Variants in MEP1B observed in about 807,000 individuals in gnomAD.
MEP1B encodes meprin A subunit beta, also known as N-benzoyl-L-tyrosyl-P-amino-benzoic acid hydrolase subunit beta.
Under a neutral mutation model 84.6 loss-of-function variants are expected in MEP1B, and 80 were observed. The ratio of observed to expected loss-of-function variants is 0.95; its 90% CI spans 0.79 to 1.14. The LOEUF (loss-of-function observed/expected upper bound fraction) is 1.14. MEP1B is among the 50% of genes most tolerant of loss of function. MEP1B has a pLI of 0.00. For missense variants in MEP1B, 766 were observed against 855.1 expected (o/e 0.90, Z 1.30); for synonymous variants, 273 against 288.1 (o/e 0.95, Z 0.53).
At chr18:32,219,672 TA>T (rs1242434515) in intron 14 of MEP1B, among the ~76,000 whole-genome samples, 1 of 151,950 alleles carries the variant, frequency 6.6e-6, no homozygotes, top group East Asian at 1.9e-4. Context: ...GCTTAGCAAG[TA>T]AAAACTGGAA....
At chr18:32,202,850 G>C in intron 5 of MEP1B, 43 bp from the exon 6 acceptor site, 1 of 1,284,738 alleles carries the variant, frequency 7.8e-7, no homozygotes. Flanking sequence ...TTTCAGTGGT[G>C]ATTGTTTTAA....
At chr18:32,211,533 T>C (rs1350419848) in intron 10 of MEP1B, among the ~76,000 whole-genome samples, 2 of 152,114 alleles carry the variant, frequency 1.3e-5, no homozygotes, top group African/African-American at 4.8e-5. Flanking sequence ...TTGACCAAAT[T>C]TGCTATCAGT....
At chr18:32,206,243 A>G (rs938932535) in intron 7 of MEP1B, among the ~76,000 whole-genome samples, 2 of 152,148 alleles carry the variant, frequency 1.3e-5, no homozygotes, top group Non-Finnish European at 1.5e-5. Flanking sequence ...GTAACCATGA[A>G]TTATGGTTAG....
In MEP1B at chr18:32,208,207, G is replaced by C; in HGVS notation, c.855G>C (p.Trp285Cys). 6.2e-7 allele frequency: 1 copy of C among 1,613,962 alleles called. No individual in the cohort carries two copies. The change falls in exon 9 of 15, where the codon TGG becomes TGC. Residue 285 changes from tryptophan to cysteine, a missense_variant. Coordinates refer to ENST00000269202, the MANE Select transcript of MEP1B (RefSeq NM_005925.3). ...AAAGTTCAGGAGATAATGCTGACTG[G>C]CAACGGGTTTCACAGGTTCCCAGGG... ...MIQSSGDNAD[W>C]QRVSQVPRGP...
chr18:32,198,506 T>C (rs1250253091), intron 5 of MEP1B, among the ~76,000 whole-genome samples: 2 of 152,310 alleles, frequency 1.3e-5, no homozygotes, highest in East Asian at 1.9e-4. Context: ...CTCTTCCTAA[T>C]TGGCACACAG....
intron 12 of MEP1B, among the ~76,000 whole-genome samples, chr18:32,215,831 G>A (rs1007124955): frequency 2.6e-5 from 4 of 151,728 alleles, no homozygotes; most frequent in African/African-American, 9.7e-5. Flanking sequence ...CTCAAAAAAA[G>A]AAAAGAAATA....
intron 2 of MEP1B, among the ~76,000 whole-genome samples, chr18:32,192,399 C>G (rs886882948): frequency 6.6e-6 from 1 of 151,976 alleles, no homozygotes; most frequent in Non-Finnish European, 1.5e-5. Flanking sequence ...TTCTTATTCC[C>G]GAAGTCATTT....
chr18:32,195,366 C>T (rs761118410), intron 4 of MEP1B, 41 bp from the exon 5 acceptor site: 23 of 1,305,522 alleles, frequency 1.8e-5, no homozygotes, highest in Non-Finnish European at 2.4e-5. Context: ...AAGTGTTTGC[C>T]TTATTTGTTT....
Position 32,213,481 on chromosome 18 carries a change from C to G in MEP1B, c.1501C>G (p.Leu501Val). 1 of 1,613,976 alleles carries G rather than the reference C, an allele frequency of 6.2e-7. No homozygotes were observed. Among genetic ancestry groups the G allele is most frequent in the Non-Finnish European group, 8.5e-7 (1 of 1,179,866 alleles). The change falls in exon 11 of 15, where the codon CTT (leucine) becomes GTT (valine). Residue 501 changes from leucine to valine, a missense_variant. Transcript: ENST00000269202. ...TCCTTGGCAACAAGCCACAATGACA[C>G]TTTTGGATCAAAATCCTGACATTCG... ...PCPWQQATMT[L>V]LDQNPDIRQR...
At chr18:32,198,801 T>C (rs1460564878) in intron 5 of MEP1B, among the ~76,000 whole-genome samples, 1 of 152,130 alleles carries the variant, frequency 6.6e-6, no homozygotes, top group African/African-American at 2.4e-5. Context: ...TCACTTGGGT[T>C]GAAGTATAGA....
In MEP1B at chr18:32,214,271, C is replaced by T. The variant is rs549348387; in HGVS notation, c.1579+712C>T. On this transcript the variant is annotated intron_variant, in intron 11 of 14. Coordinates refer to ENST00000269202, the MANE Select transcript of MEP1B (RefSeq NM_005925.3). ...CTTTCCCATCTCAAAAAGAAGCAAC[C>T]CACTGAAAGCAAAGATCACACTACT... Among the ~76,000 whole-genome samples the T allele has an allele frequency of 9.5e-4, 144 of 152,060 alleles. 1 individual carries two copies. Among genetic ancestry groups the T allele is most frequent in the African/African-American group, 3.2e-3 (132 of 41,472 alleles).
At position 32,191,836 on chromosome 18, in the gene MEP1B, C is replaced by A; in HGVS notation, c.78C>A (p.Asn26Lys). Residue 26 changes from asparagine (N) to lysine (K), a missense_variant, in exon 2 of 15, where the codon AAC (asparagine) becomes AAA (lysine). Physicochemically the swap from Asn to Lys is moderately conservative, Grantham distance 94 (BLOSUM62 0). Coordinates refer to ENST00000269202, the MANE Select transcript of MEP1B (RefSeq NM_005925.3). ...LVISGLATPENFDVDGGMDQD... is the reference protein window; with the variant it reads ...LVISGLATPEKFDVDGGMDQD... ...TTATTTCCCAGGCAACTCCAGAAAACTTTGGTGAGTCTATTTTGAGTTTTG... is the reference window on the plus strand; with the variant it reads ...TTATTTCCCAGGCAACTCCAGAAAAATTTGGTGAGTCTATTTTGAGTTTTG... 6.5e-7 allele frequency: 1 copy of A among 1,538,130 alleles called. No individual in the cohort carries two copies. The highest frequency in any genetic ancestry group is 8.8e-7 in the Non-Finnish European group (1 of 1,130,570).
chr18:32,219,416 C>T (rs28690950), intron 14 of MEP1B, among the ~76,000 whole-genome samples: 6,206 of 152,206 alleles, frequency 0.041, 421 homozygotes, highest in African/African-American at 0.14. Context: ...CAACTTTCAG[C>T]TTATTTTATG....
chr18:32,208,392 T>A, intron 9 of MEP1B, 121 bp downstream of exon 9: 5 of 1,058,336 alleles, frequency 4.7e-6, no homozygotes, highest in Non-Finnish European at 6.6e-6. Flanking sequence ...ATTCATTAGG[T>A]TACTACTGAG....
Position 32,215,680 on chromosome 18 carries a change from T to G in MEP1B, c.1759+419T>G, listed in dbSNP as rs190164150. On this transcript the variant is annotated intron_variant, in intron 12 of 14. Transcript: ENST00000269202. ...TCTACTAAAAACATAAAAAATTAGC[T>G]GGGCGTGGTGGCGGGCGCCTGTAGT... 9.7e-4 allele frequency among the ~76,000 whole-genome samples: 147 copies of G among 151,992 alleles called. 1 individual carries two copies. The highest frequency in any genetic ancestry group is 3.2e-3 in the African/African-American group (133 of 41,490).
intron 11 of MEP1B, 93 bp from the exon 12 acceptor site, chr18:32,214,989 A>G (rs2041066978): frequency 1.1e-6 from 1 of 873,838 alleles, no homozygotes; most frequent in Non-Finnish European, 1.8e-6. Context: ...TTTGAGTTCC[A>G]GCCTAATTGT....
Position 32,210,625 on chromosome 18 carries a change from T to C in MEP1B, c.1044T>C (p.Ser348=). The C allele has an allele frequency of 2.5e-6, 4 of 1,613,942 alleles. No homozygotes were observed. Among genetic ancestry groups the C allele is most frequent in the Non-Finnish European group, 3.4e-6 (4 of 1,179,852 alleles). The change falls in exon 10 of 15, where the codon AGT becomes AGC. Residue 348 remains serine, a synonymous_variant. Coordinates refer to ENST00000269202, the MANE Select transcript of MEP1B (RefSeq NM_005925.3). The part of the protein sequence containing the change: ...FQCLQFYLYN[S]GSESDQLNIY... ...GCCTGCAATTTTACTTATATAACAG[T>C]GGCAGTGAAAGTGATCAACTGAACA...
At chr18:32,192,908 G>C (rs1234871042) in intron 4 of MEP1B, 91 bp downstream of exon 4, 1 of 979,618 alleles carries the variant, frequency 1.0e-6, no homozygotes, top group Non-Finnish European at 1.6e-6. Context: ...CATGAACTTT[G>C]TTAAGCCTAA....
chr18:32,220,384 A>G lies in MEP1B; in HGVS notation c.*139A>G, dbSNP rs1047540270. The G allele has an allele frequency of 8.4e-6, 7 of 829,142 alleles. No homozygotes were observed. In the African/African-American group the frequency reaches 1.2e-4, roughly 14 times the overall value. The allele number at this position is 829,142 out of a possible 1,614,324, so 51.4% of individuals were successfully genotyped here. A position where few individuals can be genotyped will look rare whatever the true frequency, so the allele number is the denominator to read the frequency against. ...TAAATAGCTGGAAATATTATAAATCACTATTTTGGTCAAAGTCAAATTGGT... is the reference window on the plus strand; with the variant it reads ...TAAATAGCTGGAAATATTATAAATCGCTATTTTGGTCAAAGTCAAATTGGT... On this transcript the variant is annotated 3_prime_UTR_variant, in exon 15 of 15. Transcript: ENST00000269202.
Sources: gnomAD v4.1 joint callset for allele counts (sites outside exome capture counted in the v4.1 genomes callset) on GRCh38, gnomAD v4.1.1 for gene constraint, MANE v1.5 for transcripts, NCBI Gene and HGNC (gene_info 2026-07-23, HGNC 2026-07-21) for gene names.